MAD1L1: variants seen among roughly 807,000 people sequenced by gnomAD.
The protein encoded by MAD1L1 is mitotic arrest deficient 1 like 1.
Under a neutral mutation model 96.9 loss-of-function variants are expected in MAD1L1, and 95 were observed. The ratio of observed to expected loss-of-function variants is 0.98; its 90% CI spans 0.83 to 1.16. The LOEUF (loss-of-function observed/expected upper bound fraction) is 1.16. Ranked by LOEUF, MAD1L1 falls within the 50% of genes most tolerant of loss-of-function variation. The pLI is 0.00. For missense variants in MAD1L1, 1,007 were observed against 954.4 expected, an observed-to-expected ratio of 1.06 and a Z score of -0.73; for synonymous variants, 473 against 396.6, an observed-to-expected ratio of 1.19 and a Z score of -2.29.
At chr7:1,913,587 G>A (rs1308165726) in intron 17 of MAD1L1, among the ~76,000 whole-genome samples, 1 of 152,126 alleles carries the variant, frequency 6.6e-6, no homozygotes, top group African/African-American at 2.4e-5. Flanking sequence ...CTGGGACCTC[G>A]CAGGGGCTCT....
At chr7:1,952,118 G>C (rs996530975) in intron 16 of MAD1L1, among the ~76,000 whole-genome samples, 2 of 152,154 alleles carry the variant, frequency 1.3e-5, no homozygotes, top group African/African-American at 4.8e-5. Flanking sequence ...TTTCTCCCTA[G>C]GCTGCCAGGA....
chr7:1,980,635 G>A (rs908650706), intron 14 of MAD1L1, 94 bp from the exon 15 acceptor site: 4 of 976,456 alleles, frequency 4.1e-6, no homozygotes, highest in African/African-American at 1.6e-5. Context: ...ACCCCTGGCA[G>A]CACCCCCGCC....
intron 11 of MAD1L1, among the ~76,000 whole-genome samples, chr7:2,083,357 G>A (rs1248642366): frequency 2.0e-5 from 3 of 152,188 alleles, no homozygotes; most frequent in Admixed American, 2.0e-4. Flanking sequence ...GCTCTAAGCA[G>A]TTTATTTCCT....
intron 14 of MAD1L1, among the ~76,000 whole-genome samples, chr7:1,999,590 T>C (rs1781701078): frequency 6.6e-6 from 1 of 152,088 alleles, no homozygotes; most frequent in South Asian, 2.1e-4. Context: ...TCATGCCCAC[T>C]TCAGGAGGAG....
At chr7:2,111,123 A>G (rs1448017785) in intron 11 of MAD1L1, among the ~76,000 whole-genome samples, 4 of 152,226 alleles carry the variant, frequency 2.6e-5, no homozygotes, top group Non-Finnish European at 4.4e-5. Context: ...AATTAAAGAC[A>G]AGAGGAACAA....
chr7:2,061,250 T>C (rs1365338549), intron 12 of MAD1L1, among the ~76,000 whole-genome samples: 9 of 152,106 alleles, frequency 5.9e-5, no homozygotes, highest in Non-Finnish European at 8.8e-5. Context: ...GGCAGGAGAA[T>C]TGCTTGAACC....
intron 11 of MAD1L1, among the ~76,000 whole-genome samples, chr7:2,093,997 C>G (rs1786348539): frequency 6.6e-6 from 1 of 152,226 alleles, no homozygotes; most frequent in African/African-American, 2.4e-5. Flanking sequence ...CCACACAGAG[C>G]TCTCAGGCCA....
chr7:2,106,257 A>G (rs1787093180), intron 11 of MAD1L1, among the ~76,000 whole-genome samples: 1 of 152,032 alleles, frequency 6.6e-6, no homozygotes, highest in Admixed American at 6.5e-5. Flanking sequence ...AGGTGCGAGC[A>G]CGGCAGGCCG....
chr7:2,155,960 G>A (rs1789813819), intron 10 of MAD1L1, among the ~76,000 whole-genome samples: 1 of 152,148 alleles, frequency 6.6e-6, no homozygotes. Flanking sequence ...AAAAAAATAA[G>A]CAAGTCCTCA....
intron 14 of MAD1L1, among the ~76,000 whole-genome samples, chr7:1,995,203 G>T (rs533396789): frequency 7.2e-5 from 11 of 152,140 alleles, no homozygotes; most frequent in African/African-American, 2.7e-4. Context: ...CTTCCACTCT[G>T]TGGAGAAGCC....
rs1367497088 is a variant in MAD1L1 at position 1,938,752 on chromosome 7, A to G, written c.1597-1855T>C. 2.6e-3 allele frequency among the ~76,000 whole-genome samples: 384 copies of G among 149,580 alleles called. 1 individual carries two copies. The highest frequency in any genetic ancestry group is 6.6e-3 in the African/African-American group (269 of 40,588). On this transcript the variant is annotated intron_variant, in intron 16 of 18. Coordinates refer to ENST00000265854, the MANE Select transcript of MAD1L1 (RefSeq NM_001013836.2). ...TGGGGCCAGAGGCGCGCACGCACACACACACACACACACACACGCACGCAC... is the reference window on the plus strand; with the variant it reads ...TGGGGCCAGAGGCGCGCACGCACACGCACACACACACACACACGCACGCAC...
At chr7:2,194,654 A>T (rs1473511910) in intron 10 of MAD1L1, among the ~76,000 whole-genome samples, 1 of 152,198 alleles carries the variant, frequency 6.6e-6, no homozygotes, top group Non-Finnish European at 1.5e-5. Flanking sequence ...TTTACAGAAA[A>T]AACGTACCAG....
chr7:2,192,456 G>T (rs997542606), intron 10 of MAD1L1, among the ~76,000 whole-genome samples: 5 of 152,126 alleles, frequency 3.3e-5, no homozygotes, highest in Non-Finnish European at 7.4e-5. Context: ...AGCTGACAGG[G>T]AAGACACACC....
At chr7:1,827,409 G>A (rs942862047) in intron 18 of MAD1L1, among the ~76,000 whole-genome samples, 1 of 151,010 alleles carries the variant, frequency 6.6e-6, no homozygotes, top group African/African-American at 2.5e-5. Flanking sequence ...GCCCAGGTGT[G>A]GGGTCCTCCC....
chr7:1,851,984 T>C (rs1415613573), intron 18 of MAD1L1, among the ~76,000 whole-genome samples: 1 of 151,880 alleles, frequency 6.6e-6, no homozygotes, highest in African/African-American at 2.4e-5. Flanking sequence ...GGGCGGACAG[T>C]GTCAGCGGCA....
intron 14 of MAD1L1, among the ~76,000 whole-genome samples, chr7:1,990,384 G>T (rs1781354925): frequency 6.6e-6 from 1 of 152,208 alleles, no homozygotes; most frequent in Non-Finnish European, 1.5e-5. Context: ...TTCTGGAGTG[G>T]CTGTGGCTTC....
chr7:2,112,907 G>A (rs1787455289), intron 11 of MAD1L1, among the ~76,000 whole-genome samples: 1 of 152,144 alleles, frequency 6.6e-6, no homozygotes, highest in Non-Finnish European at 1.5e-5. Context: ...CAAATCACAG[G>A]GCACGAGAGC....
At chr7:2,220,956 G>C (rs746536855) in intron 5 of MAD1L1, 33 of 1,612,212 alleles carry the variant, frequency 2.0e-5, no homozygotes, top group Non-Finnish European at 2.5e-5. Context: ...TGTAGGGGAC[G>C]CCGGACAGTT....
intron 11 of MAD1L1, among the ~76,000 whole-genome samples, chr7:2,100,597 G>T (rs1366475755): frequency 6.6e-6 from 1 of 152,268 alleles, no homozygotes; most frequent in South Asian, 2.1e-4. Flanking sequence ...GATGCTGTCC[G>T]TGTCCTGGGC....
Sources: gnomAD v4.1 joint callset for allele counts (sites outside exome capture counted in the v4.1 genomes callset) on GRCh38, gnomAD v4.1.1 for gene constraint, MANE v1.5 for transcripts, NCBI Gene and HGNC (gene_info 2026-07-23, HGNC 2026-07-21) for gene names.